CCNH: variants seen among roughly 807,000 people sequenced by gnomAD.
The protein encoded by CCNH is cyclin H.
Under a neutral mutation model 41.9 loss-of-function variants are expected in CCNH, and 31 were observed. The ratio of observed to expected loss-of-function variants is 0.74; its 90% CI spans 0.56 to 1.00. The LOEUF (loss-of-function observed/expected upper bound fraction) is 1.00, where lower values mean the gene tolerates loss of function less well. Among genes scored for constraint, CCNH ranks in the 50% least tolerant of loss-of-function variants. The probability of loss-of-function intolerance (pLI) is 0.00; values close to 1 mark genes in which losing one functional copy is unlikely to be tolerated. For missense variants in CCNH, 362 were observed against 388.4 expected (o/e 0.93, Z 0.57); for synonymous variants, 138 against 136.1 (o/e 1.01, Z -0.10).
At chr5:87,393,593 T>TCTC (rs1424489060), downstream of CCNH, 1 of 152,220 alleles carries the variant, frequency 6.6e-6, no homozygotes, top group Admixed American at 6.5e-5. Flanking sequence ...GAATTACATT[T>TCTC]CTCTAACATA....
At chr5:87,395,989 C>T (rs1006980305) in intron 7 of CCNH, among the ~76,000 whole-genome samples, 2 of 151,706 alleles carry the variant, frequency 1.3e-5, no homozygotes, top group Non-Finnish European at 2.9e-5. Context: ...TACAATCAGC[C>T]TTCTGTATCC....
chr5:87,342,398 A>G (rs1055757619), intron 9 of CCNH, among the ~76,000 whole-genome samples: 1 of 152,164 alleles, frequency 6.6e-6, no homozygotes, highest in Admixed American at 6.6e-5. Flanking sequence ...ACCTCAAGTA[A>G]TCTACCAGCC....
downstream of CCNH, among the ~76,000 whole-genome samples, chr5:87,314,841 G>C: frequency 6.6e-6 from 1 of 152,166 alleles, no homozygotes; most frequent in Non-Finnish European, 1.5e-5. Flanking sequence ...GTTGATGGGA[G>C]AGTTAGGAAT....
chr5:87,346,252 A>C (rs1349896307), intron 9 of CCNH, among the ~76,000 whole-genome samples: 3 of 151,972 alleles, frequency 2.0e-5, no homozygotes, highest in African/African-American at 7.2e-5. Flanking sequence ...TCTTGATTTT[A>C]TTTGAGGAGA....
intron 1 of CCNH, among the ~76,000 whole-genome samples, 159 bp from the exon 2 acceptor site, chr5:87,411,505 T>C (rs562345303): frequency 2.6e-5 from 4 of 152,336 alleles, no homozygotes; most frequent in African/African-American, 9.6e-5. Flanking sequence ...TTACACAAAA[T>C]AGCTGTAGGA....
intron 4 of CCNH, among the ~76,000 whole-genome samples, chr5:87,407,261 T>A (rs1034265625): frequency 6.6e-6 from 1 of 152,218 alleles, no homozygotes; most frequent in Non-Finnish European, 1.5e-5. Flanking sequence ...TTGAGCACAC[T>A]GGATATATGA....
At chr5:87,320,710 G>A (rs1282632265) in intron 9 of CCNH, among the ~76,000 whole-genome samples, 1 of 152,208 alleles carries the variant, frequency 6.6e-6, no homozygotes, top group Non-Finnish European at 1.5e-5. Flanking sequence ...TGAGATTTGG[G>A]TAGGGATACA....
At chr5:87,370,239 G>A (rs941012513) in intron 9 of CCNH, among the ~76,000 whole-genome samples, 1 of 152,132 alleles carries the variant, frequency 6.6e-6, no homozygotes, top group Non-Finnish European at 1.5e-5. Flanking sequence ...CAGTTAACCA[G>A]TTAGTTTTGC....
At chr5:87,379,848 A>G (rs544745674), upstream of CCNH, 1 of 1,611,952 alleles carries the variant, frequency 6.2e-7, no homozygotes, top group South Asian at 1.1e-5. Context: ...AAATACTTCC[A>G]CCGTAAGTGG....
intron 9 of CCNH, among the ~76,000 whole-genome samples, chr5:87,385,760 T>A (rs879656473): frequency 2.6e-5 from 4 of 152,034 alleles, no homozygotes; most frequent in African/African-American, 4.8e-5. Context: ...TACACTTAAT[T>A]GTACTATCTA....
chr5:87,333,380 T>G (rs769068364), intron 9 of CCNH: 1 of 1,606,462 alleles, frequency 6.2e-7, no homozygotes, highest in Non-Finnish European at 8.5e-7. Flanking sequence ...TTGAAAGAGC[T>G]AGACTTCGAA....
chr5:87,326,064 C>T (rs755747056), intron 9 of CCNH, among the ~76,000 whole-genome samples: 13 of 152,074 alleles, frequency 8.5e-5, no homozygotes, highest in Non-Finnish European at 1.6e-4. Context: ...CTTGACTTCC[C>T]GGGCTTAAGC....
At chr5:87,349,304 G>A (rs137853214) in intron 9 of CCNH, 5 of 1,611,932 alleles carry the variant, frequency 3.1e-6, no homozygotes, top group Non-Finnish European at 3.4e-6. Flanking sequence ...AATATTCAGC[G>A]ATTTAAAATA....
intron 9 of CCNH, among the ~76,000 whole-genome samples, chr5:87,324,069 TG>T (rs1453598850): frequency 2.0e-5 from 3 of 152,206 alleles, no homozygotes; most frequent in South Asian, 4.1e-4. Context: ...TAAGAGACAA[TG>T]TTAGACTAAA....
chr5:87,396,068 T>G (rs1381891310), intron 7 of CCNH, among the ~76,000 whole-genome samples: 2 of 150,838 alleles, frequency 1.3e-5, no homozygotes, highest in East Asian at 1.9e-4. Context: ...CTATCTGTAC[T>G]GAACATGTAC....
chr5:87,333,588 A>G (rs1055890718), intron 9 of CCNH, among the ~76,000 whole-genome samples: 1 of 152,216 alleles, frequency 6.6e-6, no homozygotes, highest in Admixed American at 6.5e-5. Flanking sequence ...TGTCTCTCAC[A>G]AAGTAAGGAG....
chr5:87,410,701 C>T (rs1176401452), intron 2 of CCNH, among the ~76,000 whole-genome samples: 1 of 151,972 alleles, frequency 6.6e-6, no homozygotes, highest in East Asian at 1.9e-4. Flanking sequence ...GGTTGCCCAC[C>T]CCAGCAAAAA....
downstream of CCNH, chr5:87,387,025 C>T: frequency 1.1e-6 from 1 of 910,378 alleles, no homozygotes; most frequent in Admixed American, 2.5e-5. Context: ...AAAAAGCCTG[C>T]AAATTTTTGT....
chr5:87,378,579 ATATTT>A, upstream of CCNH: 2 of 1,537,468 alleles, frequency 1.3e-6, no homozygotes, highest in African/African-American at 1.4e-5. Flanking sequence ...TGCAAAGAAC[ATATTT>A]TAATAGGTAA....
Sources: allele counts gnomAD v4.1 joint callset (sites outside exome capture counted in the v4.1 genomes callset), GRCh38; gene constraint gnomAD v4.1.1; transcripts MANE v1.5; gene names NCBI Gene and HGNC (gene_info 2026-07-23, HGNC 2026-07-21).